Variants in WAC observed in about 807,000 individuals in gnomAD.
WAC encodes the protein WW domain-containing adapter protein with coiled-coil.
In WAC, 11 loss-of-function variants were observed where a neutral mutation model predicts 79.6. The observed-to-expected ratio is 0.14, with a 90% CI of 0.09 to 0.23. The LOEUF is 0.23. Ranked by LOEUF, WAC falls within the 10% of genes least tolerant of loss-of-function variation. The probability of loss-of-function intolerance (pLI) is 1.00; values close to 1 mark genes in which losing one functional copy is unlikely to be tolerated. For synonymous variants in WAC, 304 were observed against 276.9 expected, an observed-to-expected ratio of 1.10 and a Z score of -0.97; for missense variants, 728 against 773.5, an observed-to-expected ratio of 0.94 and a Z score of 0.70.
At chr10:28,568,530 G>A (rs1324380033) in intron 3 of WAC, among the ~76,000 whole-genome samples, 2 of 151,872 alleles carry the variant, frequency 1.3e-5, no homozygotes, top group Middle Eastern at 3.2e-3. Flanking sequence ...ACAGGCACCC[G>A]CCACCATGCC....
chr10:28,533,951 C>G, intron 1 of WAC, 47 bp from the exon 2 acceptor site: 2 of 1,602,222 alleles, frequency 1.2e-6, no homozygotes, highest in Non-Finnish European at 1.7e-6. Context: ...CCCGGCCCCC[C>G]ACCCGCGCCG....
chr10:28,533,762 G>GC, intron 1 of WAC, 142 bp downstream of exon 1: 1 of 919,254 alleles, frequency 1.1e-6, no homozygotes, highest in Non-Finnish European at 1.6e-6. Flanking sequence ...GAGCGGCCGC[G>GC]CGGGCGGGCG....
In WAC at chr10:28,535,589, C is replaced by T; in HGVS notation, c.106C>T (p.Pro36Ser). 2 of 1,613,154 alleles carry T rather than the reference C, an allele frequency of 1.2e-6. No individual in the cohort carries two copies. Among genetic ancestry groups the T allele is most frequent in the Non-Finnish European group, 1.7e-6 (2 of 1,179,614 alleles). ...ACTTAAGTATTCATCGAAGAGTCACCCCAGTAGCGGTGATCACAGACATGA... is the reference window on the plus strand; with the variant it reads ...ACTTAAGTATTCATCGAAGAGTCACTCCAGTAGCGGTGATCACAGACATGA... ...QALKYSSKSH[P>S]SSGDHRHEKM... The change falls in exon 3 of 14, where the codon CCC (proline) becomes TCC (serine). Residue 36 changes from proline to serine, a missense_variant. Coordinates refer to ENST00000354911, the MANE Select transcript of WAC (RefSeq NM_016628.5).
In WAC at chr10:28,620,842, T is replaced by G. The variant is rs1841661269; in HGVS notation, c.*1236T>G. Reference sequence around the variant, plus strand: ...TTTGTGTTGTAGCTAACTGTTCAAGTCTGGTGCTGACTGCTGTTCTTAGCC... The same window carrying G: ...TTTGTGTTGTAGCTAACTGTTCAAGGCTGGTGCTGACTGCTGTTCTTAGCC... On this transcript the variant is annotated 3_prime_UTR_variant, in exon 14 of 14. Transcript: ENST00000354911. 1 of 152,246 alleles carries G rather than the reference T, an allele frequency of 6.6e-6. No homozygotes were observed. The highest frequency in any genetic ancestry group is 1.5e-5 in the Non-Finnish European group (1 of 68,044). The allele number at this position is 152,246 out of a possible 1,614,324, so 9.4% of individuals were successfully genotyped here.
chr10:28,595,335 G>A (rs1278268800), intron 6 of WAC, among the ~76,000 whole-genome samples: 3 of 152,140 alleles, frequency 2.0e-5, no homozygotes, highest in African/African-American at 7.2e-5. Context: ...TCTGTGACCT[G>A]TAGTGTAAAA....
At chr10:28,564,591 G>A (rs1838493761) in intron 3 of WAC, among the ~76,000 whole-genome samples, 1 of 152,172 alleles carries the variant, frequency 6.6e-6, no homozygotes, top group South Asian at 2.1e-4. Flanking sequence ...TAATAGGCAG[G>A]AGAATAGACA....
intron 3 of WAC, among the ~76,000 whole-genome samples, chr10:28,556,256 A>T (rs1564383038): frequency 6.6e-6 from 1 of 152,098 alleles, no homozygotes; most frequent in African/African-American, 2.4e-5. Context: ...AGCCATCCTA[A>T]GAGGTGTGAG....
rs1173593007 is a variant in WAC at position 28,564,232 on chromosome 10, G to A, written c.275-19167G>A. ...ATGAGCCAAGATTGTGCCACTGCAC[G>A]ATAGAGCCAGACCTTGTCTCAAAAA... On this transcript the variant is annotated intron_variant, in intron 3 of 13. Coordinates refer to ENST00000354911, the MANE Select transcript of WAC (RefSeq NM_016628.5). Among the ~76,000 whole-genome samples the A allele has an allele frequency of 2.0e-5, 3 of 152,166 alleles. No homozygotes were observed. The East Asian group carries it at 5.8e-4, about 29-fold the overall frequency.
chr10:28,543,897 C>T (rs778037432), intron 3 of WAC, among the ~76,000 whole-genome samples: 8 of 152,046 alleles, frequency 5.3e-5, no homozygotes, highest in Non-Finnish European at 7.4e-5. Flanking sequence ...TGTTGTTGTA[C>T]TTGTTGTTTG....
At chr10:28,590,478 TA>T (rs1266360618) in intron 5 of WAC, among the ~76,000 whole-genome samples, 1 of 152,200 alleles carries the variant, frequency 6.6e-6, no homozygotes, top group Non-Finnish European at 1.5e-5. Flanking sequence ...CATGTAGAAT[TA>T]AAATTGCTGA....
intron 3 of WAC, among the ~76,000 whole-genome samples, chr10:28,582,963 G>A (rs537151275): frequency 1.3e-5 from 2 of 152,246 alleles, no homozygotes; most frequent in Admixed American, 1.3e-4. Context: ...GCAAATAGGG[G>A]AAACTGTTAA....
intron 2 of WAC, chr10:28,535,346 G>GGT: frequency 2.8e-6 from 1 of 356,104 alleles, no homozygotes; most frequent in African/African-American, 2.2e-5. Context: ...TTTTTTTTGT[G>GGT]TTTAGTGTGA....
At chr10:28,560,884 TG>T (rs34584647) in intron 3 of WAC, among the ~76,000 whole-genome samples, 1 of 152,180 alleles carries the variant, frequency 6.6e-6, no homozygotes, top group Admixed American at 6.5e-5. Flanking sequence ...GTTAAGGCTT[TG>T]GGGGGATCCC....
At chr10:28,536,412 GTTTGTTACTTT>G in intron 3 of WAC, among the ~76,000 whole-genome samples, 1 of 152,242 alleles carries the variant, frequency 6.6e-6, no homozygotes, top group Non-Finnish European at 1.5e-5. Flanking sequence ...TGTTGCTTCA[GTTTGTTACTTT>G]TTAAGGTGTT....
At chr10:28,553,877 T>A (rs1589145639) in intron 3 of WAC, among the ~76,000 whole-genome samples, 1 of 152,310 alleles carries the variant, frequency 6.6e-6, no homozygotes, top group East Asian at 1.9e-4. Flanking sequence ...AGAGATTTTT[T>A]TTCTCTTTTG....
At chr10:28,597,871 T>A (rs1840460881) in intron 7 of WAC, among the ~76,000 whole-genome samples, 1 of 152,144 alleles carries the variant, frequency 6.6e-6, no homozygotes, top group African/African-American at 2.4e-5. Flanking sequence ...AAATTCAGAT[T>A]CTCTCTCTCT....
At chr10:28,603,812 T>C (rs1221938919) in intron 7 of WAC, among the ~76,000 whole-genome samples, 2 of 150,708 alleles carry the variant, frequency 1.3e-5, no homozygotes, top group Non-Finnish European at 3.0e-5. Context: ...CAGGCGCCTG[T>C]AGTCCCAGCT....
chr10:28,553,237 G>GTACT (rs1837790322), intron 3 of WAC, among the ~76,000 whole-genome samples: 2 of 135,426 alleles, frequency 1.5e-5, no homozygotes, highest in South Asian at 5.2e-4. Context: ...TTTGCTGTAT[G>GTACT]TACTGTATGT....
rs751730012 is a variant in WAC at position 28,590,725 on chromosome 10, A to G, written c.503A>G (p.Gln168Arg). 1 of 1,600,530 alleles carries G rather than the reference A, an allele frequency of 6.2e-7. No individual in the cohort carries two copies. Among genetic ancestry groups the G allele is most frequent in the Non-Finnish European group, 8.5e-7 (1 of 1,174,112 alleles). The change falls in exon 6 of 14, where the codon CAG (glutamine) becomes CGG (arginine). Residue 168 changes from glutamine to arginine, a missense_variant. Physicochemically the swap from Gln to Arg is conservative, Grantham distance 43. Transcript: ENST00000354911. Reference protein sequence around the residue: ...EKPKEWLEREQRQKEANKMAV... With the variant: ...EKPKEWLERERRQKEANKMAV... The stretch of plus-strand genomic sequence containing the variant: ...ATCTTTTTTTTTATTTTTAGAGAAC[A>G]GAGACAAAAAGAAGCAAACAAGATG...
Sources: allele counts gnomAD v4.1 joint callset (sites outside exome capture counted in the v4.1 genomes callset), GRCh38; gene constraint gnomAD v4.1.1; transcripts MANE v1.5; gene names NCBI Gene and HGNC (gene_info 2026-07-23, HGNC 2026-07-21).